Variants in AGBL4 observed in about 807,000 individuals in gnomAD.
AGBL4 encodes AGBL carboxypeptidase 4, also known as cytosolic carboxypeptidase 6.
Under a neutral mutation model 66.4 loss-of-function variants are expected in AGBL4, and 58 were observed. The ratio of observed to expected loss-of-function variants is 0.87; its 90% CI spans 0.71 to 1.09. The LOEUF (loss-of-function observed/expected upper bound fraction) is 1.09. Ranked by LOEUF, AGBL4 falls within the 50% of genes least tolerant of loss-of-function variation. The probability of loss-of-function intolerance (pLI) is 0.00; values close to 1 mark genes in which losing one functional copy is unlikely to be tolerated. For synonymous variants in AGBL4, 234 were observed against 222.9 expected (o/e 1.05, Z -0.44); for missense variants, 579 against 631.0 (o/e 0.92, Z 0.88).
chr1:49,357,477 G>T (rs1019419051), intron 3 of AGBL4, among the ~76,000 whole-genome samples: 8 of 152,200 alleles, frequency 5.3e-5, no homozygotes, highest in Non-Finnish European at 1.0e-4. Flanking sequence ...GGGCTCTGCT[G>T]TCCTAATCCA....
chr1:49,330,166 C>G (rs760165575), intron 3 of AGBL4, among the ~76,000 whole-genome samples: 1 of 152,218 alleles, frequency 6.6e-6, no homozygotes, highest in Non-Finnish European at 1.5e-5. Flanking sequence ...CCTGTAATCC[C>G]AGCACTTTGG....
chr1:48,778,128 A>G (rs1055285067), intron 6 of AGBL4, among the ~76,000 whole-genome samples: 2 of 144,168 alleles, frequency 1.4e-5, no homozygotes, highest in African/African-American at 5.1e-5. Context: ...AGAATAAATA[A>G]AAACCCACAT....
chr1:49,556,972 G>A lies in AGBL4; in HGVS notation c.282+140341C>T, dbSNP rs867835232. ...GCTAAGCCCCTCACTGCCTGGGGCC[G>A]GCGGTGCCTGCCGGCTGCTAGCTGC... On this transcript the variant is annotated intron_variant, in intron 3 of 13. Transcript: ENST00000371839. Among the ~76,000 whole-genome samples the A allele has an allele frequency of 8.1e-4, 124 of 152,278 alleles. 1 individual carries two copies. Among genetic ancestry groups the A allele is most frequent in the African/African-American group, 2.9e-3 (120 of 41,580 alleles).
intron 3 of AGBL4, among the ~76,000 whole-genome samples, chr1:49,351,146 A>T (rs994147931): frequency 1.3e-5 from 2 of 152,166 alleles, no homozygotes; most frequent in African/African-American, 4.8e-5. Context: ...TGTTCTGTCC[A>T]TCTAAGTGGG....
rs995933500 is a variant in AGBL4 at position 49,262,708 on chromosome 1, C to G, written c.283-16844G>C. Among the ~76,000 whole-genome samples, 443 of 152,248 alleles carry G rather than the reference C, an allele frequency of 2.9e-3. 3 individuals are homozygous for G. The highest frequency in any genetic ancestry group is 9.9e-3 in the African/African-American group (411 of 41,568). ...AGGAACACTTTTACACTGTTGGTGGCACTGTAAACTAGTTCAACCATTGTG... is the reference window on the plus strand; with the variant it reads ...AGGAACACTTTTACACTGTTGGTGGGACTGTAAACTAGTTCAACCATTGTG... On this transcript the variant is annotated intron_variant, in intron 3 of 13. Coordinates refer to ENST00000371839, the MANE Select transcript of AGBL4 (RefSeq NM_032785.4).
chr1:49,744,036 C>A (rs1181124259), intron 2 of AGBL4, among the ~76,000 whole-genome samples: 2 of 151,516 alleles, frequency 1.3e-5, no homozygotes, highest in African/African-American at 4.8e-5. Context: ...CACATGTACC[C>A]TAAAACTTAA....
intron 1 of AGBL4, among the ~76,000 whole-genome samples, chr1:49,920,358 T>C (rs1652083862): frequency 6.6e-6 from 1 of 152,092 alleles, no homozygotes; most frequent in Non-Finnish European, 1.5e-5. Context: ...AGGGCTAATA[T>C]CCAGAATCTA....
chr1:49,437,123 G>C (rs1645921603), intron 3 of AGBL4, among the ~76,000 whole-genome samples: 1 of 152,176 alleles, frequency 6.6e-6, no homozygotes, highest in Non-Finnish European at 1.5e-5. Context: ...GTTCATGGGA[G>C]AGTTGGAGTT....
chr1:49,972,040 C>T (rs1658169910), intron 1 of AGBL4, among the ~76,000 whole-genome samples: 1 of 150,002 alleles, frequency 6.7e-6, no homozygotes, highest in South Asian at 2.1e-4. Context: ...GCCTCAGCCT[C>T]CCGAGTAGCT....
intron 3 of AGBL4, among the ~76,000 whole-genome samples, chr1:49,661,408 T>C (rs1646267011): frequency 6.6e-6 from 1 of 152,114 alleles, no homozygotes. Context: ...GGCTTTGTGC[T>C]ATCCTTGTGG....
At chr1:49,322,488 A>C (rs1375756623) in intron 3 of AGBL4, among the ~76,000 whole-genome samples, 1 of 152,200 alleles carries the variant, frequency 6.6e-6, no homozygotes, top group Non-Finnish European at 1.5e-5. Context: ...ATATTACCTT[A>C]TTTGAAAAAA....
Position 48,852,991 on chromosome 1 carries a change from G to A in AGBL4, c.634+14200C>T, listed in dbSNP as rs533765743. Among the ~76,000 whole-genome samples the A allele has an allele frequency of 1.1e-4, 16 of 152,226 alleles. No individual in the cohort carries two copies. In the South Asian group the frequency reaches 2.7e-3, roughly 26 times the overall value. On this transcript the variant is annotated intron_variant, in intron 6 of 13. Transcript: ENST00000371839. ...ACATCCTTGTCTAGTTTCCTCCCAG[G>A]TGAATAGGGCTGACTTACATAACTA...
chr1:48,949,907 A>G (rs1425753921), intron 5 of AGBL4, among the ~76,000 whole-genome samples: 6 of 152,294 alleles, frequency 3.9e-5, no homozygotes, highest in Middle Eastern at 3.4e-3. Context: ...TAAACAGGAA[A>G]TTCTCATCTA....
At chr1:49,319,019 G>A (rs528618567) in intron 3 of AGBL4, among the ~76,000 whole-genome samples, 7 of 152,258 alleles carry the variant, frequency 4.6e-5, no homozygotes, top group African/African-American at 1.7e-4. Context: ...TGCTGGACTT[G>A]ATTTTGGGGA....
At chr1:48,765,590 A>T (rs1220492362) in intron 6 of AGBL4, among the ~76,000 whole-genome samples, 2 of 152,214 alleles carry the variant, frequency 1.3e-5, no homozygotes, top group East Asian at 3.8e-4. Flanking sequence ...ATGAAAACAT[A>T]TACCCAAACA....
chr1:49,404,281 C>G (rs1489242121), intron 3 of AGBL4, among the ~76,000 whole-genome samples: 1 of 152,170 alleles, frequency 6.6e-6, no homozygotes, highest in Non-Finnish European at 1.5e-5. Flanking sequence ...AAAGCTTTCT[C>G]TCTGAGAACA....
intron 2 of AGBL4, among the ~76,000 whole-genome samples, chr1:49,724,137 AGAAAAGGGGTATTGGATGATATACT>A (rs1648829220): frequency 6.6e-6 from 1 of 152,170 alleles, no homozygotes; most frequent in African/African-American, 2.4e-5. Flanking sequence ...AAGTAGCCCA[AGAAAAGGGGTATTGGATGATATACT>A]TCAAGAACAA....
intron 3 of AGBL4, among the ~76,000 whole-genome samples, chr1:49,616,531 A>C (rs974014381): frequency 1.3e-5 from 2 of 152,174 alleles, no homozygotes; most frequent in African/African-American, 4.8e-5. Context: ...CTCCTCAACC[A>C]GTCACATGGC....
chr1:49,335,881 T>C (rs1312856981), intron 3 of AGBL4, among the ~76,000 whole-genome samples: 1 of 152,200 alleles, frequency 6.6e-6, no homozygotes, highest in African/African-American at 2.4e-5. Flanking sequence ...AACTTTTCAA[T>C]CTCATTTTAG....
Sources: gnomAD v4.1 joint callset for allele counts (sites outside exome capture counted in the v4.1 genomes callset) on GRCh38, gnomAD v4.1.1 for gene constraint, MANE v1.5 for transcripts, NCBI Gene and HGNC (gene_info 2026-07-23, HGNC 2026-07-21) for gene names.